Variants in UGT2B10 observed in about 807,000 individuals in gnomAD.
The protein encoded by UGT2B10 is UDP-glucuronosyltransferase 2B10.
UGT2B10 carries 51 observed loss-of-function variants against 43.7 expected under a neutral mutation model. The ratio of observed to expected loss-of-function variants is 1.17; its 90% CI spans 0.93 to 1.47. The LOEUF (loss-of-function observed/expected upper bound fraction) is 1.47, where lower values mean the gene tolerates loss of function less well. Ranked by LOEUF, UGT2B10 falls within the 40% of genes most tolerant of loss-of-function variation. UGT2B10 has a pLI of 0.00. For missense variants in UGT2B10, 696 were observed against 617.7 expected (o/e 1.13, Z -1.34); for synonymous variants, 225 against 209.0 (o/e 1.08, Z -0.66).
Position 68,830,908 on chromosome 4 carries a change from C to G in UGT2B10, c.*29C>G, listed in dbSNP as rs1738065478. ...TATCTGAGATTTGAAGCTGGAAAAC[C>G]TGATAGATAGGAATACTTCAGTTGA... On this transcript the variant is annotated 3_prime_UTR_variant, in exon 6 of 6. Transcript: ENST00000265403. 6.2e-7 allele frequency: 1 copy of G among 1,605,064 alleles called. No homozygotes were observed. Among genetic ancestry groups the G allele is most frequent in the Non-Finnish European group, 8.5e-7 (1 of 1,175,718 alleles).
chr4:68,821,450 G>T (rs10007687), intron 2 of UGT2B10, among the ~76,000 whole-genome samples: 2 of 152,082 alleles, frequency 1.3e-5, no homozygotes, highest in Non-Finnish European at 2.9e-5. Flanking sequence ...TTCCTCACAT[G>T]CAGTTAGAAA....
At chr4:68,824,247 G>A (rs1341040751) in intron 3 of UGT2B10, among the ~76,000 whole-genome samples, 1 of 152,206 alleles carries the variant, frequency 6.6e-6, no homozygotes. Flanking sequence ...TAGATTTAGA[G>A]AAAGAGAAAA....
At chr4:68,829,294 G>A (rs1191843514) in intron 5 of UGT2B10, among the ~76,000 whole-genome samples, 3 of 151,896 alleles carry the variant, frequency 2.0e-5, no homozygotes, top group African/African-American at 4.8e-5. Flanking sequence ...TTCAAAGTCC[G>A]GTTATTCTTT....
In UGT2B10 at chr4:68,822,337, G is replaced by C; in HGVS notation, c.934G>C (p.Val312Leu). 6.2e-7 allele frequency: 1 copy of C among 1,613,598 alleles called. No homozygotes were observed. The change falls in exon 3 of 6, where the codon GTC (valine) becomes CTC (leucine). Residue 312 changes from valine to leucine, a missense_variant. By Grantham distance (32) the Val-to-Leu change is conservative. Coordinates refer to ENST00000265403, the MANE Select transcript of UGT2B10 (RefSeq NM_001075.6). Reference sequence around the variant, plus strand: ...TGTGGTGTTTTCTCTGGGGTCAATGGTCAGTAACATGACAGAAGAAAGGGC... The same window carrying C: ...TGTGGTGTTTTCTCTGGGGTCAATGCTCAGTAACATGACAGAAGAAAGGGC... ...GVVVFSLGSM[V>L]SNMTEERANV...
intron 5 of UGT2B10, 134 bp from the exon 6 acceptor site, chr4:68,830,466 A>G: frequency 8.7e-7 from 1 of 1,144,532 alleles, no homozygotes; most frequent in Admixed American, 3.7e-5. Context: ...CTCAAATTAA[A>G]ATACATAAAT....
chr4:68,824,646 A>T (rs1157578451), intron 3 of UGT2B10, among the ~76,000 whole-genome samples: 1 of 152,172 alleles, frequency 6.6e-6, no homozygotes, highest in Non-Finnish European at 1.5e-5. Context: ...TTTAACAGTG[A>T]TGTAGCAAAT....
intron 3 of UGT2B10, among the ~76,000 whole-genome samples, chr4:68,825,097 G>T (rs1395752317): frequency 2.0e-5 from 3 of 151,908 alleles, no homozygotes; most frequent in Non-Finnish European, 1.5e-5. Flanking sequence ...AGGACAACAG[G>T]CTGTAATATA....
chr4:68,829,223 A>G (rs294772), intron 5 of UGT2B10, among the ~76,000 whole-genome samples: 140,662 of 152,020 alleles, frequency 0.93, 65,881 homozygotes, highest in Non-Finnish European at 1. Flanking sequence ...AAAAAAAATA[A>G]ACACTAAGGA....
chr4:68,823,059 A>G (rs1737589841), intron 3 of UGT2B10, among the ~76,000 whole-genome samples: 1 of 152,144 alleles, frequency 6.6e-6, no homozygotes, highest in Admixed American at 6.6e-5. Context: ...CAACAAATAG[A>G]GAAGACTGGC....
rs757183522 is a variant in UGT2B10 at position 68,830,787 on chromosome 4, T to C, written c.1495T>C (p.Cys499Arg). 2 of 1,613,388 alleles carry C rather than the reference T, an allele frequency of 1.2e-6. No homozygotes were observed. The highest frequency in any genetic ancestry group is 1.7e-5 in the Admixed American group (1 of 59,928). The change falls in exon 6 of 6, where the codon TGT (cysteine) becomes CGT (arginine). Residue 499 changes from cysteine to arginine, a missense_variant. Cys to Arg is a radical substitution (Grantham distance 180, BLOSUM62 -3). Transcript: ENST00000265403. ...SLDVIGFLLA[C>R]VATVLFIITK... Reference sequence around the variant, plus strand: ...GGATGTGATTGGGTTCCTGCTGGCTTGTGTGGCAACCGTGCTATTTATCAT... The same window carrying C: ...GGATGTGATTGGGTTCCTGCTGGCTCGTGTGGCAACCGTGCTATTTATCAT...
In UGT2B10 at chr4:68,830,833, GTT is replaced by G; in HGVS notation, c.1543_1544del (p.Phe515LeufsTer5). 1 of 1,612,950 alleles carries G rather than the reference GTT, an allele frequency of 6.2e-7. No homozygotes were observed. The highest frequency in any genetic ancestry group is 8.5e-7 in the Non-Finnish European group (1 of 1,179,394). ...ATCATCACAAAGTGTTGTCTGTTTT[GTT>G]TCTGGAAGTTTGCTAGAAAAGGAAA... On this transcript the variant is annotated frameshift_variant, in exon 6 of 6. Transcript: ENST00000265403. LOFTEE classifies it low-confidence loss of function (END_TRUNC).
rs1345049521 is a variant in UGT2B10, at chr4:68,818,768, G to A, written c.867+591G>A. Among the ~76,000 whole-genome samples, 12 of 151,698 alleles carry A rather than the reference G, an allele frequency of 7.9e-5. No individual in the cohort carries two copies. The Admixed American group carries it at 7.9e-4, about 10-fold the overall frequency. ...GACAAAAAGGGAAAGCAGATAAAGT[G>A]GTCAGGACAGTTCTCAAGTCCTCAG... On this transcript the variant is annotated intron_variant, in intron 2 of 5. Transcript: ENST00000265403.
intron 3 of UGT2B10, among the ~76,000 whole-genome samples, chr4:68,825,503 C>A (rs910475352): frequency 1.6e-4 from 25 of 152,028 alleles, no homozygotes; most frequent in African/African-American, 5.5e-4. Flanking sequence ...CCTCCACCTT[C>A]CAATACATCT....
rs1340496403 is a variant in UGT2B10 at position 68,827,422 on chromosome 4, T to C, written c.1181T>C (p.Leu394Ser). The change falls in exon 5 of 6, where the codon TTG (leucine) becomes TCG (serine). Residue 394 changes from leucine (L) to serine (S), a missense_variant. By Grantham distance (145) the Leu-to-Ser change is moderately radical. Coordinates refer to ENST00000265403, the MANE Select transcript of UGT2B10 (RefSeq NM_001075.6). Reference sequence around the variant, plus strand: ...GGGATCCCTATGGTGGGCATTCCATTGTTTTTTGATCAACCTGATAATATT... The same window carrying C: ...GGGATCCCTATGGTGGGCATTCCATCGTTTTTTGATCAACCTGATAATATT... The part of the protein sequence containing the change: ...YHGIPMVGIP[L>S]FFDQPDNIAH... The C allele has an allele frequency of 1.9e-6, 3 of 1,613,440 alleles. No homozygotes were observed. Among genetic ancestry groups the C allele is most frequent in the Admixed American group, 1.7e-5 (1 of 59,964 alleles).
rs1392986785 is a variant in UGT2B10, at chr4:68,830,991, CT to C, written c.*115del. ...TTTCTTCCTGTGACAAAAAAAAATC[CT>C]TTCGAAGTCTACCTTGTCAAGTAAA... On this transcript the variant is annotated 3_prime_UTR_variant, in exon 6 of 6. Coordinates refer to ENST00000265403, the MANE Select transcript of UGT2B10 (RefSeq NM_001075.6). 6 of 1,406,458 alleles carry C rather than the reference CT, an allele frequency of 4.3e-6. No individual in the cohort carries two copies. Among genetic ancestry groups the C allele is most frequent in the Non-Finnish European group, 4.8e-6 (5 of 1,047,270 alleles). The allele number at this position is 1,406,458 out of a possible 1,614,324, so 87.1% of individuals were successfully genotyped here.
intron 5 of UGT2B10, among the ~76,000 whole-genome samples, chr4:68,829,595 A>T (rs1031589616): frequency 1.3e-5 from 2 of 152,090 alleles, no homozygotes; most frequent in African/African-American, 4.8e-5. Flanking sequence ...AGGTTCCGTC[A>T]GATTGTGGCC....
At chr4:68,817,934 A>T in intron 1 of UGT2B10, 95 bp from the exon 2 acceptor site, 4 of 1,450,218 alleles carry the variant, frequency 2.8e-6, no homozygotes, top group South Asian at 1.4e-5. Flanking sequence ...AAACTTTACC[A>T]ACATTTTTGC....
At chr4:68,826,627 C>G (rs1374258213) in intron 4 of UGT2B10, 130 bp downstream of exon 4, 1 of 1,144,002 alleles carries the variant, frequency 8.7e-7, no homozygotes, top group African/African-American at 1.6e-5. Flanking sequence ...TATTTATTTT[C>G]CAGTCCTAGG....
At position 68,831,087 on chromosome 4, in the gene UGT2B10, A is replaced by C; in HGVS notation, c.*208A>C. 1.6e-6 allele frequency: 1 copy of C among 636,286 alleles called. No homozygotes were observed. The allele number at this position is 636,286 out of a possible 1,614,324, so 39.4% of individuals were successfully genotyped here. A position where few individuals can be genotyped will look rare whatever the true frequency, so the allele number is the denominator to read the frequency against. On this transcript the variant is annotated 3_prime_UTR_variant, in exon 6 of 6. Coordinates refer to ENST00000265403, the MANE Select transcript of UGT2B10 (RefSeq NM_001075.6). ...ATTCTGTGGCAATGAAGAAAACACT[A>C]GGGGAAATAAAAAATAATATAAAGC...
Sources: allele counts gnomAD v4.1 joint callset (sites outside exome capture counted in the v4.1 genomes callset), GRCh38; gene constraint gnomAD v4.1.1; transcripts MANE v1.5; gene names NCBI Gene and HGNC (gene_info 2026-07-23, HGNC 2026-07-21).